USP9Y: variants seen among roughly 807,000 people sequenced by gnomAD.
USP9Y encodes the protein ubiquitin specific peptidase 9 Y-linked, also known as ubiquitin carboxyl-terminal hydrolase 9Y.
Under a neutral mutation model 53.1 loss-of-function variants are expected in USP9Y, and 41 were observed. The ratio of observed to expected loss-of-function variants is 0.77; its 90% CI spans 0.60 to 1.00. The LOEUF (loss-of-function observed/expected upper bound fraction) is 1.00. Among genes scored for constraint, USP9Y ranks in the 50% least tolerant of loss-of-function variants. The pLI is 0.00. For synonymous variants in USP9Y, 220 were observed against 173.7 expected (o/e 1.27, Z -2.09); for missense variants, 567 against 535.8 (o/e 1.06, Z -0.58).
chrY:12,793,471 C>A (rs2053510559), intron 27 of USP9Y, among the ~76,000 whole-genome samples: 1 of 32,745 alleles, frequency 3.1e-5, no homozygotes. Context: ...ACAAAATTAG[C>A]CATTTTAACC....
intron 42 of USP9Y, among the ~76,000 whole-genome samples, chrY:12,851,778 C>T: frequency 3.0e-5 from 1 of 33,307 alleles, no homozygotes; most frequent in East Asian, 7.8e-4. Context: ...ACTTATGAAG[C>T]TTAGTTTGTC....
intron 17 of USP9Y, among the ~76,000 whole-genome samples, 187 bp downstream of exon 17, chrY:12,774,112 G>T (rs2053489675): frequency 2.1e-4 from 7 of 32,666 alleles, no homozygotes; most frequent in African/African-American, 8.4e-4. Flanking sequence ...TTCATTACTG[G>T]TTTTTTCTCT....
intron 12 of USP9Y, among the ~76,000 whole-genome samples, chrY:12,749,826 ATGAAGC>A (rs2053462902): frequency 2.9e-5 from 1 of 33,996 alleles, no homozygotes; most frequent in Admixed American, 2.7e-4. Context: ...TTTACAAATT[ATGAAGC>A]GACAGTTCTT....
chrY:12,735,671 T>A lies in USP9Y; in HGVS notation c.717T>A (p.His239Gln). The A allele has an allele frequency of 2.5e-6, 1 of 396,404 alleles. No homozygotes were observed. Among genetic ancestry groups the A allele is most frequent in the Non-Finnish European group, 3.5e-6 (1 of 282,075 alleles). The change falls in exon 8 of 46, where the codon CAT (histidine) becomes CAA (glutamine). Residue 239 changes from histidine (H) to glutamine (Q), a missense_variant. Coordinates refer to ENST00000338981, the MANE Select transcript of USP9Y (RefSeq NM_004654.4). Reference sequence around the variant, plus strand: ...CATTAAATGGGTTCCAGATTTTGCATGATCGTTTTTTTAATGGATCAGCAT... The same window carrying A: ...CATTAAATGGGTTCCAGATTTTGCAAGATCGTTTTTTTAATGGATCAGCAT... ...FGTLNGFQIL[H>Q]DRFFNGSALN...
At chrY:12,820,543 T>C (rs575589965) in intron 33 of USP9Y, among the ~76,000 whole-genome samples, 5 of 34,116 alleles carry the variant, frequency 1.5e-4, no homozygotes, top group African/African-American at 5.7e-4. Flanking sequence ...AAGTACGATA[T>C]GCATATATAA....
chrY:12,763,124 A>G, intron 15 of USP9Y, among the ~76,000 whole-genome samples: 3 of 33,529 alleles, frequency 8.9e-5, no homozygotes, highest in Non-Finnish European at 2.2e-4. Context: ...CTGTATTCTG[A>G]CTATATACGA....
intron 27 of USP9Y, among the ~76,000 whole-genome samples, chrY:12,795,470 C>G (rs2053512051): frequency 3.0e-5 from 1 of 32,798 alleles, no homozygotes; most frequent in Non-Finnish European, 7.4e-5. Context: ...TTTAGTCTTT[C>G]ACGATTTAGT....
chrY:12,797,180 G>T (rs2053513832), intron 27 of USP9Y, among the ~76,000 whole-genome samples: 1 of 33,776 alleles, frequency 3.0e-5, no homozygotes, highest in South Asian at 6.6e-4. Context: ...TGTTGTCAAT[G>T]AAAAGAATCA....
intron 33 of USP9Y, among the ~76,000 whole-genome samples, chrY:12,823,079 T>A: frequency 3.1e-5 from 1 of 32,682 alleles, no homozygotes; most frequent in Non-Finnish European, 7.5e-5. Context: ...TTGGCCAGGG[T>A]GGTCTAGAAC....
intron 1 of USP9Y, among the ~76,000 whole-genome samples, chrY:12,707,795 G>T (rs2053420782): frequency 3.8e-5 from 1 of 26,521 alleles, no homozygotes; most frequent in Non-Finnish European, 8.7e-5. Flanking sequence ...CTAGAGTGCA[G>T]TTGTGTGATC....
At chrY:12,729,598 G>A (rs894519790) in intron 7 of USP9Y, among the ~76,000 whole-genome samples, 11 of 31,994 alleles carry the variant, frequency 3.4e-4, no homozygotes, top group Admixed American at 8.6e-4. Context: ...GTGGCACCAC[G>A]CCCAGCTAAT....
At chrY:12,812,510 A>G in intron 30 of USP9Y, among the ~76,000 whole-genome samples, 3 of 33,735 alleles carry the variant, frequency 8.9e-5, no homozygotes, top group Non-Finnish European at 2.2e-4. Flanking sequence ...CAATTCAAGA[A>G]AAAGAATATA....
At chrY:12,809,638 G>A (rs2053527847) in intron 27 of USP9Y, among the ~76,000 whole-genome samples, 1 of 33,179 alleles carries the variant, frequency 3.0e-5, no homozygotes, top group Admixed American at 2.7e-4. Flanking sequence ...TGATAATCAC[G>A]TTTGAGAATC....
In USP9Y at chrY:12,819,628, C is replaced by T. The variant is rs756076258; in HGVS notation, c.5021+1018C>T. On this transcript the variant is annotated intron_variant, in intron 33 of 45. Coordinates refer to ENST00000338981, the MANE Select transcript of USP9Y (RefSeq NM_004654.4). ...TTACTCATAAAGAAATGAACATTTT[C>T]ACCACTAGAAAGGAAGTCCCCCTTC... Among the ~76,000 whole-genome samples, 3 of 31,542 alleles carry T rather than the reference C, an allele frequency of 9.5e-5. No homozygotes were observed. In the South Asian group the frequency reaches 2.2e-3, roughly 23 times the overall value. The allele number at this position is 31,542 out of a possible 37,273, so 84.6% of individuals were successfully genotyped here. A position where few individuals can be genotyped will look rare whatever the true frequency, so the allele number is the denominator to read the frequency against.
At chrY:12,806,165 AT>A (rs2053524302) in intron 27 of USP9Y, among the ~76,000 whole-genome samples, 1 of 33,083 alleles carries the variant, frequency 3.0e-5, no homozygotes, top group African/African-American at 1.2e-4. Context: ...TTAAAAAAAA[AT>A]GTGCTTATTC....
rs2053416021 is a variant in USP9Y at position 12,701,575 on chromosome Y, C to T, written c.-601C>T. ...TCATGATGTAAAAATGGTTAGTCTC[C>T]ACTTTTAAGGCTCTAGTTCTAGTGG... is the stretch of plus-strand genomic sequence containing the variant. On this transcript the variant is annotated 5_prime_UTR_variant, in exon 1 of 46. Coordinates refer to ENST00000338981, the MANE Select transcript of USP9Y (RefSeq NM_004654.4). 2.9e-5 allele frequency: 1 copy of T among 33,904 alleles called. No homozygotes were observed. Among genetic ancestry groups the T allele is most frequent in the South Asian group, 6.5e-4 (1 of 1,548 alleles). 8.5% of individuals were successfully genotyped at this position (33,904 alleles called of 400,897 possible).
At chrY:12,819,293 T>A (rs769200773) in intron 33 of USP9Y, among the ~76,000 whole-genome samples, 61 of 34,144 alleles carry the variant, frequency 1.8e-3, no homozygotes, top group Non-Finnish European at 3.6e-3. Flanking sequence ...TTTTTATATA[T>A]CCCTAACATT....
intron 1 of USP9Y, among the ~76,000 whole-genome samples, chrY:12,702,974 G>T: frequency 3.0e-5 from 1 of 33,196 alleles, no homozygotes; most frequent in South Asian, 6.9e-4. Flanking sequence ...TGAATTAGAG[G>T]GGTCCTTGTC....
Position 12,810,672 on chromosome Y carries a change from A to G in USP9Y, c.4093A>G (p.Ser1365Gly). The change falls in exon 29 of 46, where the codon AGC becomes GGC. Residue 1365 changes from serine (S) to glycine (G), a missense_variant and splice_region_variant. Physicochemically the swap from Ser to Gly is moderately conservative, Grantham distance 56 (BLOSUM62 0). Transcript: ENST00000338981. ...FITLLFTILG[S>G]TAREKGKYSG... ...ATGTTGTTTTAATTTAATATTTCAGAGCACAGCAAGAGAGAAGGGTAAATA... is the reference window on the plus strand; with the variant it reads ...ATGTTGTTTTAATTTAATATTTCAGGGCACAGCAAGAGAGAAGGGTAAATA... The G allele has an allele frequency of 2.5e-6, 1 of 395,321 alleles. No homozygotes were observed. The highest frequency in any genetic ancestry group is 3.6e-6 in the Non-Finnish European group (1 of 281,067).
Sources: allele counts gnomAD v4.1 joint callset (sites outside exome capture counted in the v4.1 genomes callset), GRCh38; gene constraint gnomAD v4.1.1; transcripts MANE v1.5; gene names NCBI Gene and HGNC (gene_info 2026-07-23, HGNC 2026-07-21).